The following PPM1L variants were observed in gnomAD, a reference collection of about 807,000 sequenced individuals.
The protein encoded by PPM1L is protein phosphatase, Mg2+/Mn2+ dependent 1L, also known as protein phosphatase 1L.
In PPM1L, 13 loss-of-function variants were observed where a neutral mutation model predicts 31.4. That is an observed-to-expected ratio of 0.41 (90% CI 0.27 to 0.66). The LOEUF is 0.66. Ranked by LOEUF, PPM1L falls within the 30% of genes least tolerant of loss-of-function variation. The pLI, the probability that PPM1L is intolerant of heterozygous loss-of-function variation, is 0.29. For synonymous variants in PPM1L, 184 were observed against 175.4 expected (o/e 1.05, Z -0.39); for missense variants, 326 against 453.7 (o/e 0.72, Z 2.56).
chr3:161,068,465 C>A (rs750105536), intron 3 of PPM1L, among the ~76,000 whole-genome samples: 1 of 152,202 alleles, frequency 6.6e-6, no homozygotes, highest in Non-Finnish European at 1.5e-5. Context: ...CATTCCTTTG[C>A]CACTCTCCTC....
chr3:160,799,870 C>G (rs1712373666), intron 1 of PPM1L, among the ~76,000 whole-genome samples: 1 of 152,114 alleles, frequency 6.6e-6, no homozygotes, highest in Admixed American at 6.5e-5. Flanking sequence ...CTCAATGCTT[C>G]TCAGTATCTA....
At chr3:160,850,172 A>G (rs1404214174) in intron 1 of PPM1L, among the ~76,000 whole-genome samples, 1 of 152,216 alleles carries the variant, frequency 6.6e-6, no homozygotes, top group African/African-American at 2.4e-5. Context: ...TGGTGCACAG[A>G]ACACAGGGAA....
intron 1 of PPM1L, among the ~76,000 whole-genome samples, chr3:160,918,712 T>G (rs927818980): frequency 1.3e-5 from 2 of 152,164 alleles, no homozygotes; most frequent in African/African-American, 4.8e-5. Flanking sequence ...TTAAGAACCA[T>G]TAATAGTTCA....
In PPM1L at chr3:160,810,297, T is replaced by C. The variant is rs151223106; in HGVS notation, c.399+53590T>C. ...AAATCCAAGAAGGGAGCTGCTTTTA[T>C]TGCTCTCACTCCTGTTTCAATTTGC... On this transcript the variant is annotated intron_variant, in intron 1 of 3. Coordinates refer to ENST00000498165, the MANE Select transcript of PPM1L (RefSeq NM_139245.4). 2.7e-3 allele frequency among the ~76,000 whole-genome samples: 412 copies of C among 152,186 alleles called. 1 individual carries two copies. The highest frequency in any genetic ancestry group is 9.6e-3 in the African/African-American group (397 of 41,532).
intron 2 of PPM1L, among the ~76,000 whole-genome samples, chr3:161,006,721 C>G (rs766641744): frequency 2.1e-4 from 28 of 131,834 alleles, no homozygotes; most frequent in South Asian, 7.4e-4. Context: ...CTTGATCTGT[C>G]GCCCAGGCTG....
chr3:161,030,405 C>CT (rs1389268673), intron 2 of PPM1L, among the ~76,000 whole-genome samples: 1 of 152,158 alleles, frequency 6.6e-6, no homozygotes, highest in Non-Finnish European at 1.5e-5. Context: ...GAAAGTGGCA[C>CT]TTATGGATCA....
At chr3:160,920,809 G>A (rs918674014) in intron 1 of PPM1L, among the ~76,000 whole-genome samples, 1 of 152,120 alleles carries the variant, frequency 6.6e-6, no homozygotes, top group Non-Finnish European at 1.5e-5. Context: ...ACTAGAAACT[G>A]ACTATAACAT....
intron 1 of PPM1L, among the ~76,000 whole-genome samples, chr3:160,903,018 A>G (rs768697611): frequency 6.6e-6 from 1 of 152,182 alleles, no homozygotes; most frequent in Non-Finnish European, 1.5e-5. Context: ...GTGGGACCTT[A>G]GATAAGGTAC....
At chr3:160,843,572 T>C (rs2108107022) in intron 1 of PPM1L, among the ~76,000 whole-genome samples, 1 of 151,042 alleles carries the variant, frequency 6.6e-6, no homozygotes, top group South Asian at 2.1e-4. Flanking sequence ...ACCCATTAAC[T>C]CGTCATTTAC....
chr3:160,819,715 T>C (rs546458633), intron 1 of PPM1L, among the ~76,000 whole-genome samples: 1 of 152,164 alleles, frequency 6.6e-6, no homozygotes, highest in East Asian at 1.9e-4. Context: ...TTTATGTATT[T>C]ATTTTGTTAA....
At chr3:161,027,648 G>A (rs953692642) in intron 2 of PPM1L, among the ~76,000 whole-genome samples, 19 of 152,246 alleles carry the variant, frequency 1.2e-4, no homozygotes, top group Admixed American at 9.2e-4. Context: ...CCCACAACAC[G>A]TGGGAATTCA....
chr3:161,009,625 G>C (rs1717824934), intron 2 of PPM1L, among the ~76,000 whole-genome samples: 1 of 152,070 alleles, frequency 6.6e-6, no homozygotes, highest in Non-Finnish European at 1.5e-5. Context: ...ACTTGTTATT[G>C]CATCTCCCTC....
At chr3:160,764,794 T>G (rs1440939844) in intron 1 of PPM1L, among the ~76,000 whole-genome samples, 2 of 152,186 alleles carry the variant, frequency 1.3e-5, no homozygotes, top group African/African-American at 4.8e-5. Flanking sequence ...ATTTATATTT[T>G]GAGTGTATTT....
At chr3:160,868,746 C>T (rs75412471) in intron 1 of PPM1L, among the ~76,000 whole-genome samples, 8 of 149,956 alleles carry the variant, frequency 5.3e-5, no homozygotes, top group Non-Finnish European at 8.9e-5. Context: ...TTGTAGAAAG[C>T]GATCTGTATT....
intron 1 of PPM1L, among the ~76,000 whole-genome samples, chr3:160,875,098 TG>T (rs1712459551): frequency 1.3e-5 from 2 of 152,338 alleles, no homozygotes; most frequent in East Asian, 3.8e-4. Flanking sequence ...ATATATTATA[TG>T]GCATATATAT....
At chr3:160,781,260 G>A (rs1711740876) in intron 1 of PPM1L, among the ~76,000 whole-genome samples, 1 of 152,100 alleles carries the variant, frequency 6.6e-6, no homozygotes, top group Non-Finnish European at 1.5e-5. Flanking sequence ...AATAGCTATG[G>A]CTGACAGATA....
chr3:160,987,973 C>T (rs1478587263), intron 2 of PPM1L, among the ~76,000 whole-genome samples: 2 of 152,124 alleles, frequency 1.3e-5, no homozygotes, highest in East Asian at 1.9e-4. Context: ...GCTTATATGG[C>T]GGAATTTTCC....
intron 1 of PPM1L, among the ~76,000 whole-genome samples, chr3:160,760,013 C>T (rs1182051453): frequency 6.6e-6 from 1 of 151,892 alleles, no homozygotes; most frequent in Non-Finnish European, 1.5e-5. Flanking sequence ...GTCTGCAGTG[C>T]TGGGGCAGCA....
At chr3:160,763,547 A>G (rs1180316367) in intron 1 of PPM1L, among the ~76,000 whole-genome samples, 2 of 152,230 alleles carry the variant, frequency 1.3e-5, no homozygotes, top group Non-Finnish European at 2.9e-5. Flanking sequence ...CTGTTGAGCC[A>G]TGGCCTGGGG....
Sources: gnomAD v4.1 joint callset for allele counts (sites outside exome capture counted in the v4.1 genomes callset) on GRCh38, gnomAD v4.1.1 for gene constraint, MANE v1.5 for transcripts, NCBI Gene and HGNC (gene_info 2026-07-23, HGNC 2026-07-21) for gene names.